Variants in DPP6 observed in about 807,000 individuals in gnomAD.
DPP6 encodes the protein dipeptidyl peptidase like 6.
A neutral mutation model predicts 122.6 loss-of-function variants in DPP6; 69 were observed. The observed-to-expected ratio is 0.56, with a 90% CI of 0.46 to 0.69. The LOEUF is 0.69. DPP6 is among the 30% of genes least tolerant of loss of function. The pLI, the probability that DPP6 is intolerant of heterozygous loss-of-function variation, is 0.00. For missense variants in DPP6, 928 were observed against 1,116.9 expected (o/e 0.83, Z 2.41); for synonymous variants, 418 against 433.1 (o/e 0.97, Z 0.43).
chr7:153,766,768 C>G, the DPP6 span, among the ~76,000 whole-genome samples: 1 of 152,058 alleles, frequency 6.6e-6, no homozygotes, highest in Non-Finnish European at 1.5e-5. Context: ...TAAAAAAGAG[C>G]TACAATCTGT....
rs574869375 is a variant in DPP6, at chr7:154,298,323, G to A, written c.244-147891G>A. On this transcript the variant is annotated intron_variant, in intron 1 of 25. Transcript: ENST00000377770. The stretch of plus-strand genomic sequence containing the variant: ...GTGCATCTCTGGAGACCCCTGCTGC[G>A]TGTGCAGCCTATTCATCTAGAAGGC... Among the ~76,000 whole-genome samples, 99 of 145,248 alleles carry A rather than the reference G, an allele frequency of 6.8e-4. 1 individual carries two copies. Among genetic ancestry groups the A allele is most frequent in the African/African-American group, 2.0e-3 (81 of 39,708 alleles).
the DPP6 span, among the ~76,000 whole-genome samples, chr7:153,880,614 A>G: frequency 1.3e-5 from 2 of 152,212 alleles, no homozygotes; most frequent in African/African-American, 2.4e-5. Flanking sequence ...TGTGGATATG[A>G]CATCCAGGCT....
chr7:154,876,517 G>A (rs550639961), intron 20 of DPP6: 83 of 158,122 alleles, frequency 5.2e-4, no homozygotes, highest in Non-Finnish European at 1.0e-3. Context: ...GTGGAAATGG[G>A]TCACCCTCGT....
chr7:154,890,618 C>G lies in DPP6; in HGVS notation c.2451+1088C>G, dbSNP rs1806520254. The stretch of plus-strand genomic sequence containing the variant: ...CGAGCTGAACCCCCCAGGTACAGAG[C>G]AGCCTGCATCGCTGCAGGCTCCATG... On this transcript the variant is annotated intron_variant, in intron 25 of 25. Transcript: ENST00000377770. 4 of 152,258 alleles carry G rather than the reference C, an allele frequency of 2.6e-5. No individual in the cohort carries two copies. In the South Asian group the frequency reaches 8.3e-4, roughly 32 times the overall value. The allele number at this position is 152,258 out of a possible 1,614,324, so 9.4% of individuals were successfully genotyped here.
intron 5 of DPP6, among the ~76,000 whole-genome samples, chr7:154,595,754 T>G (rs1833053952): frequency 6.6e-6 from 1 of 152,250 alleles, no homozygotes; most frequent in African/African-American, 2.4e-5. Context: ...ACAGGATGCC[T>G]AATGAGTTAG....
At chr7:154,293,506 C>G (rs977773926) in intron 1 of DPP6, among the ~76,000 whole-genome samples, 1 of 152,164 alleles carries the variant, frequency 6.6e-6, no homozygotes, top group Non-Finnish European at 1.5e-5. Flanking sequence ...AAGCCTCCCC[C>G]CATCAACTCC....
chr7:154,831,859 C>A (rs1800656414), intron 16 of DPP6, among the ~76,000 whole-genome samples: 1 of 152,192 alleles, frequency 6.6e-6, no homozygotes, highest in African/African-American at 2.4e-5. Flanking sequence ...TCAGTTAGAG[C>A]ACCAGTAGGA....
intron 1 of DPP6, among the ~76,000 whole-genome samples, chr7:153,999,921 C>G (rs1797609966): frequency 6.6e-6 from 1 of 151,786 alleles, no homozygotes; most frequent in Non-Finnish European, 1.5e-5. Flanking sequence ...GATCGCACCA[C>G]TGCACTCCAG....
intron 8 of DPP6, among the ~76,000 whole-genome samples, chr7:154,731,327 G>T (rs1435270271): frequency 6.6e-6 from 1 of 152,220 alleles, no homozygotes; most frequent in African/African-American, 2.4e-5. Flanking sequence ...TAGCTTGTTG[G>T]CAGAAAAATG....
At chr7:154,580,885 G>C (rs1381480025) in intron 5 of DPP6, among the ~76,000 whole-genome samples, 1 of 152,136 alleles carries the variant, frequency 6.6e-6, no homozygotes, top group African/African-American at 2.4e-5. Flanking sequence ...AGAAAGAGCA[G>C]CAAAAAGGAG....
chr7:154,290,857 C>G (rs1314592951), intron 1 of DPP6, among the ~76,000 whole-genome samples: 1 of 152,134 alleles, frequency 6.6e-6, no homozygotes, highest in Non-Finnish European at 1.5e-5. Context: ...TGCCTTCTTA[C>G]CAGACTTGGA....
At chr7:153,868,032 G>T in the DPP6 span, among the ~76,000 whole-genome samples, 1 of 152,154 alleles carries the variant, frequency 6.6e-6, no homozygotes, top group Non-Finnish European at 1.5e-5. Context: ...GCTTTTTGAT[G>T]TGCTGCTGGA....
At chr7:154,426,447 G>T (rs1028669914) in intron 1 of DPP6, among the ~76,000 whole-genome samples, 10 of 152,118 alleles carry the variant, frequency 6.6e-5, no homozygotes, top group Non-Finnish European at 1.2e-4. Context: ...TGAATATGAC[G>T]TGAGATGACT....
chr7:154,790,612 A>G (rs2150420476), intron 10 of DPP6, among the ~76,000 whole-genome samples: 2 of 152,164 alleles, frequency 1.3e-5, no homozygotes, highest in African/African-American at 4.8e-5. Context: ...GAAGAAACTG[A>G]GGGTTGAAGC....
the DPP6 span, among the ~76,000 whole-genome samples, chr7:153,847,410 T>C: frequency 6.6e-6 from 1 of 152,348 alleles, no homozygotes; most frequent in South Asian, 2.1e-4. Flanking sequence ...TTGGTTTCTA[T>C]TGATGTTTGT....
chr7:154,630,450 A>G (rs1835337175), intron 5 of DPP6, among the ~76,000 whole-genome samples: 1 of 152,238 alleles, frequency 6.6e-6, no homozygotes, highest in Admixed American at 6.5e-5. Flanking sequence ...AGCAAGGGGA[A>G]TGGCTGATGC....
At chr7:153,890,939 C>G (rs1379185625) in intron 1 of DPP6, among the ~76,000 whole-genome samples, 1 of 148,058 alleles carries the variant, frequency 6.8e-6, no homozygotes, top group South Asian at 2.1e-4. Context: ...CTCAGGTAAT[C>G]TGCCTGTCTC....
At chr7:154,081,321 A>G (rs1803989570) in intron 1 of DPP6, among the ~76,000 whole-genome samples, 1 of 147,234 alleles carries the variant, frequency 6.8e-6, no homozygotes, top group Admixed American at 6.8e-5. Flanking sequence ...AGAAAGGGCC[A>G]AGCCTTTCAA....
chr7:154,781,084 AT>A (rs1209433776), intron 10 of DPP6, among the ~76,000 whole-genome samples: 2 of 151,942 alleles, frequency 1.3e-5, no homozygotes, highest in African/African-American at 2.4e-5. Flanking sequence ...AGTTGGATGA[AT>A]TAATGGATAG....
Sources: allele counts gnomAD v4.1 joint callset (sites outside exome capture counted in the v4.1 genomes callset), GRCh38; gene constraint gnomAD v4.1.1; transcripts MANE v1.5; gene names NCBI Gene and HGNC (gene_info 2026-07-23, HGNC 2026-07-21).